GRID2: variants seen among roughly 807,000 people sequenced by gnomAD.
GRID2 encodes glutamate ionotropic receptor delta type subunit 2, also known as glutamate receptor ionotropic, delta-2.
A neutral mutation model predicts 114.8 loss-of-function variants in GRID2; 33 were observed. That is an observed-to-expected ratio of 0.29 (90% CI 0.22 to 0.38). The LOEUF is 0.38. Among genes scored for constraint, GRID2 ranks in the 10% least tolerant of loss-of-function variants. The pLI, the probability that GRID2 is intolerant of heterozygous loss-of-function variation, is 1.00. For missense variants in GRID2, 1,184 were observed against 1,257.7 expected, an observed-to-expected ratio of 0.94 and a Z score of 0.89; for synonymous variants, 505 against 449.9, an observed-to-expected ratio of 1.12 and a Z score of -1.55.
chr4:93,765,339 G>T (rs1355115602), intron 14 of GRID2, among the ~76,000 whole-genome samples: 2 of 151,964 alleles, frequency 1.3e-5, no homozygotes, highest in Admixed American at 1.3e-4. Flanking sequence ...GTGACTGAGG[G>T]GTCAGATGGT....
At chr4:92,578,764 C>CTATCTATCTATT (rs1238858518) in intron 1 of GRID2, among the ~76,000 whole-genome samples, 5 of 151,722 alleles carry the variant, frequency 3.3e-5, no homozygotes. Context: ...ATCTATCTAT[C>CTATCTATCTATT]TACATATTTG....
intron 2 of GRID2, among the ~76,000 whole-genome samples, chr4:92,965,363 C>T (rs917912497): frequency 1.4e-5 from 2 of 141,060 alleles, no homozygotes; most frequent in East Asian, 2.2e-4. Context: ...AAGTGTGACA[C>T]AGAGACATAA....
intron 1 of GRID2, among the ~76,000 whole-genome samples, chr4:92,550,256 A>AT (rs1283177895): frequency 6.6e-6 from 1 of 152,124 alleles, no homozygotes; most frequent in Admixed American, 6.5e-5. Context: ...CATAGATTAT[A>AT]TTTTTTGTTT....
At chr4:93,400,396 G>A (rs1052095043) in intron 9 of GRID2, among the ~76,000 whole-genome samples, 1 of 152,016 alleles carries the variant, frequency 6.6e-6, no homozygotes, top group Non-Finnish European at 1.5e-5. Flanking sequence ...TCCATAATTT[G>A]CCCACTGATC....
At chr4:93,623,461 A>G (rs1742401606) in intron 13 of GRID2, among the ~76,000 whole-genome samples, 1 of 152,168 alleles carries the variant, frequency 6.6e-6, no homozygotes, top group Admixed American at 6.6e-5. Context: ...AAAGGACACG[A>G]ACTGCCAGCA....
At chr4:92,470,746 C>T (rs941058289) in intron 1 of GRID2, among the ~76,000 whole-genome samples, 1 of 151,898 alleles carries the variant, frequency 6.6e-6, no homozygotes, top group Non-Finnish European at 1.5e-5. Context: ...CATAAAATTA[C>T]GAGTGCCCAC....
chr4:93,670,283 A>G (rs76215107), intron 14 of GRID2, among the ~76,000 whole-genome samples: 10,124 of 152,254 alleles, frequency 0.066, 487 homozygotes, highest in Middle Eastern at 0.11. Context: ...GCAGTAAGCT[A>G]AACTTAAGAA....
chr4:92,359,372 G>C (rs1728500854), intron 1 of GRID2, among the ~76,000 whole-genome samples: 1 of 151,868 alleles, frequency 6.6e-6, no homozygotes. Context: ...TTAAATTCTA[G>C]CTCCATACTG....
chr4:93,190,328 A>C (rs1196315796), intron 4 of GRID2, among the ~76,000 whole-genome samples: 1 of 152,156 alleles, frequency 6.6e-6, no homozygotes, highest in Non-Finnish European at 1.5e-5. Context: ...CTATAAATTG[A>C]CATAGCCATT....
intron 9 of GRID2, among the ~76,000 whole-genome samples, chr4:93,421,418 T>A (rs1474892381): frequency 6.6e-6 from 1 of 152,204 alleles, no homozygotes; most frequent in Non-Finnish European, 1.5e-5. Context: ...CTAGTTCATT[T>A]TGCTCTAAGA....
intron 2 of GRID2, among the ~76,000 whole-genome samples, chr4:92,879,992 G>A (rs897127254): frequency 2.0e-5 from 3 of 152,122 alleles, no homozygotes; most frequent in Non-Finnish European, 2.9e-5. Flanking sequence ...TTACCAAACA[G>A]AAAGTTCAAC....
At chr4:93,368,021 A>G (rs2149286150) in intron 8 of GRID2, among the ~76,000 whole-genome samples, 1 of 152,310 alleles carries the variant, frequency 6.6e-6, no homozygotes, top group East Asian at 1.9e-4. Context: ...TTACTTAAAG[A>G]GTCCATTTTT....
chr4:93,144,925 G>A (rs544073109), intron 4 of GRID2, among the ~76,000 whole-genome samples: 207 of 152,192 alleles, frequency 1.4e-3, no homozygotes, highest in African/African-American at 4.7e-3. Flanking sequence ...GGATCTTTGT[G>A]GATGAGCCTT....
intron 3 of GRID2, among the ~76,000 whole-genome samples, chr4:93,091,315 T>A (rs11725186): frequency 0.066 from 10,052 of 152,080 alleles, 696 homozygotes; most frequent in African/African-American, 0.18. Context: ...ATGCATCCTG[T>A]GCTATTTTCA....
chr4:92,360,069 C>T (rs1475071882), intron 1 of GRID2, among the ~76,000 whole-genome samples: 1 of 151,954 alleles, frequency 6.6e-6, no homozygotes, highest in Admixed American at 6.6e-5. Context: ...TCTATGAATA[C>T]AGCAAGTATT....
At chr4:92,627,716 A>C (rs1056722944) in intron 2 of GRID2, among the ~76,000 whole-genome samples, 33 of 152,278 alleles carry the variant, frequency 2.2e-4, no homozygotes, top group Admixed American at 5.2e-4. Flanking sequence ...ATTCTTCTAA[A>C]AGTATATTTA....
chr4:92,456,909 G>C (rs191681133), intron 1 of GRID2, among the ~76,000 whole-genome samples: 6 of 152,098 alleles, frequency 3.9e-5, no homozygotes, highest in Non-Finnish European at 7.4e-5. Context: ...TAACAGGTAT[G>C]TTATGAAATA....
At chr4:93,735,173 G>A (rs1210182056) in intron 14 of GRID2, among the ~76,000 whole-genome samples, 2 of 151,874 alleles carry the variant, frequency 1.3e-5, no homozygotes, top group South Asian at 4.1e-4. Flanking sequence ...AAAGACCAAA[G>A]GGAGAAAAAA....
intron 2 of GRID2, among the ~76,000 whole-genome samples, chr4:92,752,665 T>C (rs1737509745): frequency 6.6e-6 from 1 of 152,230 alleles, no homozygotes; most frequent in Admixed American, 6.5e-5. Context: ...GATCGTAATA[T>C]GATACAGACT....
Sources: allele counts gnomAD v4.1 joint callset (sites outside exome capture counted in the v4.1 genomes callset), GRCh38; gene constraint gnomAD v4.1.1; transcripts MANE v1.5; gene names NCBI Gene and HGNC (gene_info 2026-07-23, HGNC 2026-07-21).